Variants in INF2 observed in about 807,000 individuals in gnomAD.
INF2 encodes the protein inverted formin-2.
INF2 carries 43 observed loss-of-function variants against 123.5 expected under a neutral mutation model. That is an observed-to-expected ratio of 0.35 (90% CI 0.27 to 0.45). INF2 has a LOEUF of 0.45. INF2 is among the 20% of genes least tolerant of loss of function. INF2 has a pLI of 1.00. For missense variants in INF2, 1,453 were observed against 1,682.7 expected, an observed-to-expected ratio of 0.86 and a Z score of 2.39; for synonymous variants, 851 against 745.0, an observed-to-expected ratio of 1.14 and a Z score of -2.32.
chr14:104,689,590 T>C, upstream of INF2: 1,271 of 646,256 alleles, frequency 2.0e-3, no homozygotes, highest in South Asian at 2.1e-3. Flanking sequence ...CTCCTCTTCC[T>C]CCCGCCCGCC....
At chr14:104,686,477 G>A (rs1291964162), upstream of INF2, among the ~76,000 whole-genome samples, 2 of 152,024 alleles carry the variant, frequency 1.3e-5, no homozygotes, top group African/African-American at 4.8e-5. Context: ...CGGATGAAGT[G>A]TGGGTGTGTG....
In INF2 at chr14:104,684,058, G is replaced by A. The variant is rs138974956; in HGVS notation, c.-104+2476G>A. 352 of 456,020 alleles carry A rather than the reference G, an allele frequency of 7.7e-4. 1 individual carries two copies. Among genetic ancestry groups the A allele is most frequent in the African/African-American group, 5.6e-3 (280 of 50,180 alleles). 28.2% of individuals were successfully genotyped at this position (456,020 alleles called of 1,614,324 possible). On this transcript the variant is annotated intron_variant, in intron 1 of 2. Coordinates refer to the INF2 transcript ENST00000674723. This position sits in a 1 kb window ranked among gnomAD's most constrained non-coding sequence, Gnocchi z 5.0. Reference sequence around the variant, plus strand: ...GCAAGGCCCAGTGTCTTCTCACCTCGTTAGGTGGAGAACCCCTTCTTTAAG... The same window carrying A: ...GCAAGGCCCAGTGTCTTCTCACCTCATTAGGTGGAGAACCCCTTCTTTAAG...
At chr14:104,708,638 C>A in intron 9 of INF2, 33 bp from the exon 10 acceptor site, 1 of 1,612,696 alleles carries the variant, frequency 6.2e-7, no homozygotes, top group Non-Finnish European at 8.5e-7. Context: ...GGCCACCCTC[C>A]GGTACCAGCC....
chr14:104,703,855 G>C (rs1889650661), intron 4 of INF2, 61 bp from the exon 5 acceptor site: 2 of 1,608,634 alleles, frequency 1.2e-6, no homozygotes, highest in Admixed American at 3.3e-5. Flanking sequence ...GGTGGCAGAA[G>C]TGAAATGGGG....
At chr14:104,689,306 G>T (rs1326904771), upstream of INF2, 1 of 966,060 alleles carries the variant, frequency 1.0e-6, no homozygotes, top group African/African-American at 1.8e-5. Flanking sequence ...GACGGGAGGC[G>T]GTGGAGGGCA....
chr14:104,692,599 G>A (rs1052907786), intron 1 of INF2, among the ~76,000 whole-genome samples: 9 of 152,200 alleles, frequency 5.9e-5, no homozygotes, highest in African/African-American at 2.2e-4. Context: ...GGTTGGTGGG[G>A]CAGGAATAGG....
chr14:104,715,464 G>T lies in INF2; in HGVS notation c.*1+124G>T, dbSNP rs144987444. ...TCTCTCCAGCCCGCGTGGTGCGTCA[G>T]TGTGGCCTTGCCGCTCCCGCAGCCC... On this transcript the variant is annotated intron_variant, in intron 22 of 22. Coordinates refer to ENST00000392634, the MANE Select transcript of INF2 (RefSeq NM_022489.4). The T allele has an allele frequency of 6.6e-5, 61 of 922,956 alleles. No individual in the cohort carries two copies. In the East Asian group the frequency reaches 1.4e-3, roughly 22 times the overall value. The allele number at this position is 922,956 out of a possible 1,614,324, so 57.2% of individuals were successfully genotyped here. A position where few individuals can be genotyped will look rare whatever the true frequency, so the allele number is the denominator to read the frequency against.
chr14:104,708,556 T>C lies in INF2; in HGVS notation c.1856T>C (p.Val619Ala). Residue 619 changes from valine to alanine, a missense_variant, in exon 9 of 23, where the codon GTG becomes GCG. By Grantham distance (64) the Val-to-Ala change is moderately conservative (BLOSUM62 0). Coordinates refer to ENST00000392634, the MANE Select transcript of INF2 (RefSeq NM_022489.4). Reference protein sequence around the residue: ...PAAKPKEPTMVAPRARKEPKE... With the variant: ...PAAKPKEPTMAAPRARKEPKE... ...GCCAAGCCCAAGGAGCCCACCATGG[T>C]GGCCCCCCGGGCCAGGAAGGAGCCC... The C allele has an allele frequency of 6.2e-7, 1 of 1,612,108 alleles. No individual in the cohort carries two copies. The highest frequency in any genetic ancestry group is 8.5e-7 in the Non-Finnish European group (1 of 1,179,720).
At chr14:104,695,312 GT>G (rs1234082524) in intron 1 of INF2, among the ~76,000 whole-genome samples, 1 of 151,986 alleles carries the variant, frequency 6.6e-6, no homozygotes, top group Non-Finnish European at 1.5e-5. Flanking sequence ...GTAGCCGCTC[GT>G]CCCCCCATGC....
intron 1 of INF2, among the ~76,000 whole-genome samples, chr14:104,697,900 T>A (rs962074455): frequency 1.3e-5 from 2 of 151,680 alleles, no homozygotes; most frequent in African/African-American, 4.9e-5. Context: ...GGGGGGTGGA[T>A]GGGACGCCCC....
At position 104,705,615 on chromosome 14, in the gene INF2, A is replaced by T. The variant is rs1305653808; in HGVS notation, c.702-420A>T. On this transcript the variant is annotated intron_variant, in intron 5 of 22. Coordinates refer to ENST00000392634, the MANE Select transcript of INF2 (RefSeq NM_022489.4). The stretch of plus-strand genomic sequence containing the variant: ...CCAGAGCCCCGCCCCTCCTGTATCC[A>T]TGCAGCCCTGTGGACCCACCTCAGG... 2.6e-5 allele frequency among the ~76,000 whole-genome samples: 4 copies of T among 152,052 alleles called. No homozygotes were observed. In the East Asian group the frequency reaches 7.7e-4, roughly 29 times the overall value.
rs189703328 is a variant in INF2 at position 104,711,863 on chromosome 14, C to T, written c.2489+164C>T. Among the ~76,000 whole-genome samples the T allele has an allele frequency of 2.4e-3, 372 of 152,314 alleles. 4 individuals are homozygous for T. The highest frequency in any genetic ancestry group is 7.9e-3 in the South Asian group (38 of 4,822). ...GAACACTTCCCTTTTGGGACAGGACCGGGTCTGCCGTGGCCTATCCCCTTC... is the reference window on the plus strand; with the variant it reads ...GAACACTTCCCTTTTGGGACAGGACTGGGTCTGCCGTGGCCTATCCCCTTC... On this transcript the variant is annotated intron_variant, in intron 16 of 22. Transcript: ENST00000392634.
chr14:104,709,116 C>T (rs910578586), intron 10 of INF2, among the ~76,000 whole-genome samples, 165 bp from the exon 11 acceptor site: 4 of 152,160 alleles, frequency 2.6e-5, no homozygotes, highest in African/African-American at 4.8e-5. Context: ...AGCCTGGGTC[C>T]CCTTCACCGC....
At chr14:104,713,089 G>C in intron 18 of INF2, 97 bp downstream of exon 18, 2 of 1,607,124 alleles carry the variant, frequency 1.2e-6, no homozygotes, top group Non-Finnish European at 8.5e-7. Context: ...ACCTTTCGTC[G>C]GGCCGACACA....
upstream of INF2, among the ~76,000 whole-genome samples, chr14:104,688,995 C>A (rs1455202799): frequency 6.6e-6 from 1 of 152,232 alleles, no homozygotes; most frequent in Non-Finnish European, 1.5e-5. Flanking sequence ...CATTGCGACA[C>A]CTCCGCGGCC....
rs990960028 is a variant in INF2, at chr14:104,701,553, G to A, written c.188G>A (p.Gly63Asp). 1 of 1,608,378 alleles carries A rather than the reference G, an allele frequency of 6.2e-7. No homozygotes were observed. Among genetic ancestry groups the A allele is most frequent in the Admixed American group, 1.7e-5 (1 of 59,726 alleles). Reference protein sequence around the residue: ...LRKRLEGSDGGWMVQFLEQSG... With the variant: ...LRKRLEGSDGDWMVQFLEQSG... Reference sequence around the variant, plus strand: ...AAGCGCCTGGAGGGCAGCGACGGCGGCTGGATGGTGCAGTTCCTGGAGCAG... The same window carrying A: ...AAGCGCCTGGAGGGCAGCGACGGCGACTGGATGGTGCAGTTCCTGGAGCAG... The change falls in exon 2 of 23, where the codon GGC becomes GAC. Residue 63 changes from glycine (G) to aspartate (D), a missense_variant. This residue lies in a region of INF2 where 251 missense variants were observed against 349.4 expected (regional missense o/e 0.72). Coordinates refer to ENST00000392634, the MANE Select transcript of INF2 (RefSeq NM_022489.4).
intron 1 of INF2, among the ~76,000 whole-genome samples, chr14:104,698,129 G>A (rs561267432): frequency 6.6e-6 from 1 of 152,376 alleles, no homozygotes; most frequent in Admixed American, 6.5e-5. Flanking sequence ...TCCTGCGCTG[G>A]TGGCCCCGCC....
Position 104,703,847 on chromosome 14 carries a change from T to C in INF2, c.668-69T>C, listed in dbSNP as rs1336933133. The C allele has an allele frequency of 1.9e-6, 3 of 1,607,300 alleles. No individual in the cohort carries two copies. The African/African-American group carries it at 4.0e-5, about 21-fold the overall frequency. On this transcript the variant is annotated intron_variant, in intron 4 of 22. Transcript: ENST00000392634. The stretch of plus-strand genomic sequence containing the variant: ...GCAGGGCAGGGTCAGGTGCTCTGGG[T>C]GGCAGAAGTGAAATGGGGAAGGCGG...
intron 15 of INF2, 76 bp from the exon 16 acceptor site, chr14:104,711,553 G>A: frequency 7.7e-7 from 1 of 1,297,230 alleles, no homozygotes; most frequent in Non-Finnish European, 1.1e-6. Context: ...GGTTAGAGCT[G>A]GGGGAGTGGG....
Sources: allele counts gnomAD v4.1 joint callset (sites outside exome capture counted in the v4.1 genomes callset), GRCh38; gene constraint gnomAD v4.1.1; regional missense constraint gnomAD v4.1.1; non-coding constraint Gnocchi (gnomAD v3.1); transcripts MANE v1.5; gene names NCBI Gene and HGNC (gene_info 2026-07-23, HGNC 2026-07-21).